The following ZSCAN5A variants were observed in gnomAD, a reference collection of about 807,000 sequenced individuals.
The protein encoded by ZSCAN5A is zinc finger and SCAN domain-containing protein 5A.
Under a neutral mutation model 23.7 loss-of-function variants are expected in ZSCAN5A, and 12 were observed. The ratio of observed to expected loss-of-function variants is 0.51; its 90% CI spans 0.32 to 0.82. The LOEUF is 0.82. ZSCAN5A is among the 40% of genes least tolerant of loss of function. The pLI is 0.03. For synonymous variants in ZSCAN5A, 257 were observed against 239.9 expected (o/e 1.07, Z -0.66); for missense variants, 597 against 617.9 (o/e 0.97, Z 0.36).
In ZSCAN5A at chr19:56,302,704, T is replaced by A. The variant is rs556136937; in HGVS notation, c.-128+10579A>T. 673 of 205,960 alleles carry A rather than the reference T, an allele frequency of 3.3e-3. 2 individuals carry two copies. Among genetic ancestry groups the A allele is most frequent in the Non-Finnish European group, 5.2e-3 (544 of 105,396 alleles). The allele number at this position is 205,960 out of a possible 1,614,324, so 12.8% of individuals were successfully genotyped here. A position where few individuals can be genotyped will look rare whatever the true frequency, so the allele number is the denominator to read the frequency against. ...CCCTCCTTCTCTCTCCTTCCTTCTC[T>A]TTCCTTCTTCCCTCCCTCCCACCTC... On this transcript the variant is annotated intron_variant, in intron 2 of 5. Transcript: ENST00000683990.
intron 2 of ZSCAN5A, among the ~76,000 whole-genome samples, chr19:56,292,651 C>T (rs1421816006): frequency 6.6e-6 from 1 of 151,964 alleles, no homozygotes; most frequent in Non-Finnish European, 1.5e-5. Context: ...GCAACCATCA[C>T]CACTGACTCC....
At chr19:56,228,291 A>G (rs2034149281) in intron 2 of ZSCAN5A, 7 of 985,314 alleles carry the variant, frequency 7.1e-6, no homozygotes, top group Non-Finnish European at 7.2e-6. Context: ...TCGGTCTGGG[A>G]TGCGCTCTCC....
chr19:56,346,901 G>A (rs1363278582), intron 2 of ZSCAN5A, among the ~76,000 whole-genome samples: 1 of 151,986 alleles, frequency 6.6e-6, no homozygotes, highest in Non-Finnish European at 1.5e-5. Flanking sequence ...CCAATTTTTT[G>A]TATTTTTAGT....
At chr19:56,330,993 T>G (rs1021578016) in intron 2 of ZSCAN5A, among the ~76,000 whole-genome samples, 3 of 152,168 alleles carry the variant, frequency 2.0e-5, no homozygotes, top group Non-Finnish European at 4.4e-5. Flanking sequence ...TATGGTGAAA[T>G]GTAGGGGTCC....
chr19:56,267,023 C>T (rs1369212569), intron 2 of ZSCAN5A, among the ~76,000 whole-genome samples: 1 of 142,452 alleles, frequency 7.0e-6, no homozygotes, highest in East Asian at 2.0e-4. Flanking sequence ...TTTTTTCTGC[C>T]TCGGGGTCTT....
rs530673725 is a variant in ZSCAN5A, at chr19:56,283,533, T to A, written c.-128+29750A>T. ...GTTAGGCATTAACTACCAGACGATT[T>A]TCAGTGATACCGAGAAAGGTGTTGC... On this transcript the variant is annotated intron_variant, in intron 2 of 5. Transcript: ENST00000683990. 2.6e-5 allele frequency: 4 copies of A among 152,316 alleles called. No homozygotes were observed. In the East Asian group the frequency reaches 5.8e-4, roughly 22 times the overall value. The allele number at this position is 152,316 out of a possible 1,614,324, so 9.4% of individuals were successfully genotyped here. A position where few individuals can be genotyped will look rare whatever the true frequency, so the allele number is the denominator to read the frequency against.
At chr19:56,258,628 G>A (rs1175084703) in intron 2 of ZSCAN5A, among the ~76,000 whole-genome samples, 2 of 151,842 alleles carry the variant, frequency 1.3e-5, no homozygotes, top group Non-Finnish European at 2.9e-5. Context: ...CACGCCTTCC[G>A]GTGTAGGGGG....
At chr19:56,355,121 AT>A (rs2041693623) in intron 2 of ZSCAN5A, among the ~76,000 whole-genome samples, 1 of 124,578 alleles carries the variant, frequency 8.0e-6, no homozygotes, top group Non-Finnish European at 1.7e-5. Context: ...AGTAATCATG[AT>A]GTGGGGCATT....
intron 2 of ZSCAN5A, among the ~76,000 whole-genome samples, chr19:56,348,430 C>G (rs112620730): frequency 9.9e-5 from 15 of 152,282 alleles, no homozygotes; most frequent in African/African-American, 3.4e-4. Flanking sequence ...CTGTTTACAG[C>G]CCACATAATG....
At chr19:56,298,545 C>T (rs953962380) in intron 2 of ZSCAN5A, among the ~76,000 whole-genome samples, 7 of 151,246 alleles carry the variant, frequency 4.6e-5, no homozygotes, top group African/African-American at 1.7e-4. Flanking sequence ...CCCAGCTACT[C>T]GGGAGGCTGA....
In ZSCAN5A at chr19:56,351,878, T is replaced by C. The variant is rs2041669642; in HGVS notation, c.-358+11357A>G. ...TAGATGGCTGGTGGATCTATCTGGA[T>C]TGAAGGGATTCCTTTTCCCAGCAAT... On this transcript the variant is annotated intron_variant, in intron 2 of 6. Transcript: ENST00000587340. The surrounding 1 kb of genome is among the most constrained non-coding windows in gnomAD (Gnocchi z 4.8). 6.6e-6 allele frequency among the ~76,000 whole-genome samples: 1 copy of C among 152,180 alleles called. No homozygotes were observed. Among genetic ancestry groups the C allele is most frequent in the South Asian group, 2.1e-4 (1 of 4,820 alleles).
intron 2 of ZSCAN5A, among the ~76,000 whole-genome samples, chr19:56,262,412 T>C (rs1245654346): frequency 6.6e-6 from 1 of 151,664 alleles, no homozygotes; most frequent in Non-Finnish European, 1.5e-5. Flanking sequence ...GTTTCTAATT[T>C]TTTTTTTTTT....
chr19:56,238,970 C>CA (rs2035200997), intron 2 of ZSCAN5A, among the ~76,000 whole-genome samples: 1 of 152,156 alleles, frequency 6.6e-6, no homozygotes. Flanking sequence ...GACTCACTAT[C>CA]AACGCCTCAA....
chr19:56,367,241 C>T (rs2041774900), intron 1 of ZSCAN5A: 1 of 152,176 alleles, frequency 6.6e-6, no homozygotes, highest in Non-Finnish European at 1.5e-5. Context: ...GTAGTCCCAG[C>T]TAATCAGGAG....
At chr19:56,321,639 CG>C in intron 2 of ZSCAN5A, 2 of 906,830 alleles carry the variant, frequency 2.2e-6, no homozygotes, top group East Asian at 4.8e-5. Context: ...ATCCATGCAT[CG>C]TTATGTCGTC....
chr19:56,366,653 T>C (rs1357504363), intron 1 of ZSCAN5A, among the ~76,000 whole-genome samples: 1 of 152,196 alleles, frequency 6.6e-6, no homozygotes, highest in Non-Finnish European at 1.5e-5. Context: ...AATCAAGTAT[T>C]TTCTTTGCCT....
Position 56,221,516 on chromosome 19 carries a change from T to A in ZSCAN5A, c.*59A>T. ...ATGTGTCAAATGTCATCTGATAACA[T>A]TGATGAAAAATATCATTCACTTCTT... On this transcript the variant is annotated 3_prime_UTR_variant, in exon 6 of 6. Transcript: ENST00000683990. 6.6e-7 allele frequency: 1 copy of A among 1,522,646 alleles called. No homozygotes were observed. Among genetic ancestry groups the A allele is most frequent in the South Asian group, 1.3e-5 (1 of 74,824 alleles). 94.3% of individuals were successfully genotyped at this position (1,522,646 alleles called of 1,614,324 possible). A position where few individuals can be genotyped will look rare whatever the true frequency, so the allele number is the denominator to read the frequency against.
At chr19:56,231,209 T>C (rs910140434) in intron 2 of ZSCAN5A, among the ~76,000 whole-genome samples, 2 of 152,062 alleles carry the variant, frequency 1.3e-5, no homozygotes, top group African/African-American at 2.4e-5. Flanking sequence ...CCAGACCCTT[T>C]CTCAAAAAAT....
intron 2 of ZSCAN5A, among the ~76,000 whole-genome samples, chr19:56,289,200 A>C (rs538877512): frequency 1.5e-3 from 230 of 152,324 alleles, no homozygotes; most frequent in African/African-American, 3.5e-3. Context: ...AGGGTCTGAG[A>C]GCTGCATTGG....
Sources: allele counts gnomAD v4.1 joint callset (sites outside exome capture counted in the v4.1 genomes callset), GRCh38; gene constraint gnomAD v4.1.1; non-coding constraint Gnocchi (gnomAD v3.1); transcripts MANE v1.5; gene names NCBI Gene and HGNC (gene_info 2026-07-23, HGNC 2026-07-21).